Variants in WWOX observed in about 807,000 individuals in gnomAD.
WWOX encodes WW domain containing oxidoreductase, also known as WW domain-containing oxidoreductase.
Under a neutral mutation model 46.2 loss-of-function variants are expected in WWOX, and 69 were observed. The ratio of observed to expected loss-of-function variants is 1.49; its 90% CI spans 1.23 to 1.82. The LOEUF (loss-of-function observed/expected upper bound fraction) is 1.82. Among genes scored for constraint, WWOX ranks in the 40% most tolerant of loss-of-function variants. WWOX has a pLI of 0.00. For missense variants in WWOX, 919 were observed against 542.6 expected (o/e 1.69, Z -6.89); for synonymous variants, 359 against 202.6 (o/e 1.77, Z -6.56).
chr16:79,008,464 C>G (rs927559982), intron 8 of WWOX, among the ~76,000 whole-genome samples: 1 of 152,168 alleles, frequency 6.6e-6, no homozygotes, highest in Admixed American at 6.5e-5. Flanking sequence ...GGCAAATTAT[C>G]CCATCATATT....
chr16:78,876,353 G>A (rs1230995528), intron 8 of WWOX, among the ~76,000 whole-genome samples: 2 of 151,634 alleles, frequency 1.3e-5, no homozygotes, highest in African/African-American at 4.8e-5. Context: ...GTTTTGTCTG[G>A]AATTTTCTCT....
chr16:78,823,695 G>T (rs1441831838), intron 8 of WWOX, among the ~76,000 whole-genome samples: 2 of 152,098 alleles, frequency 1.3e-5, no homozygotes, highest in Non-Finnish European at 2.9e-5. Context: ...AAGGCCCGCC[G>T]AGCCTGAGCT....
intron 6 of WWOX, among the ~76,000 whole-genome samples, chr16:78,390,322 A>C (rs943747665): frequency 6.6e-6 from 1 of 152,212 alleles, no homozygotes; most frequent in South Asian, 2.1e-4. Flanking sequence ...GTTTTTAACC[A>C]TTAAGTAGTT....
At chr16:78,733,378 C>A (rs567583956) in intron 8 of WWOX, among the ~76,000 whole-genome samples, 2 of 151,964 alleles carry the variant, frequency 1.3e-5, no homozygotes, top group African/African-American at 4.8e-5. Context: ...TTGCTGGAGC[C>A]CAGGAGGTTG....
At chr16:78,198,110 C>T (rs895025600) in intron 5 of WWOX, among the ~76,000 whole-genome samples, 1 of 152,142 alleles carries the variant, frequency 6.6e-6, no homozygotes, top group Admixed American at 6.5e-5. Context: ...TCTCTGCAGG[C>T]ATCTACGCTC....
chr16:79,174,940 C>T (rs148716238), intron 8 of WWOX, among the ~76,000 whole-genome samples: 1 of 152,016 alleles, frequency 6.6e-6, no homozygotes, highest in Non-Finnish European at 1.5e-5. Flanking sequence ...TAGCAGTAAC[C>T]CTGAGGACTT....
chr16:78,865,083 G>C (rs1254433732), intron 8 of WWOX, among the ~76,000 whole-genome samples: 1 of 151,936 alleles, frequency 6.6e-6, no homozygotes, highest in Admixed American at 6.6e-5. Flanking sequence ...ATTTTTTAAA[G>C]TTAGTGCTTT....
intron 8 of WWOX, among the ~76,000 whole-genome samples, chr16:78,469,513 C>A (rs985265942): frequency 3.3e-5 from 5 of 152,118 alleles, no homozygotes; most frequent in African/African-American, 1.2e-4. Flanking sequence ...ATTACCCATT[C>A]AGTTTAAACT....
At chr16:78,578,284 A>ATAT (rs1555567122) in intron 8 of WWOX, among the ~76,000 whole-genome samples, 3 of 20,838 alleles carry the variant, frequency 1.4e-4, no homozygotes, top group African/African-American at 4.5e-4. Flanking sequence ...ATATATATAT[A>ATAT]TTTTTTTTTT....
chr16:79,155,753 G>A (rs992552047), intron 8 of WWOX, among the ~76,000 whole-genome samples: 1 of 152,070 alleles, frequency 6.6e-6, no homozygotes, highest in Non-Finnish European at 1.5e-5. Context: ...TCCATGGATC[G>A]CATTTTGAAT....
chr16:78,831,031 A>T (rs2151157575), intron 8 of WWOX, among the ~76,000 whole-genome samples: 1 of 152,270 alleles, frequency 6.6e-6, no homozygotes, highest in South Asian at 2.1e-4. Flanking sequence ...GTGGAAGGGG[A>T]GGGCAGAATG....
At chr16:78,784,978 G>T (rs1393838776) in intron 8 of WWOX, among the ~76,000 whole-genome samples, 1 of 152,170 alleles carries the variant, frequency 6.6e-6, no homozygotes, top group Non-Finnish European at 1.5e-5. Context: ...CCGTGGGCAG[G>T]AGCAGCCAGA....
chr16:78,885,192 C>CCT (rs1491493806), intron 8 of WWOX, among the ~76,000 whole-genome samples: 3 of 127,720 alleles, frequency 2.3e-5, no homozygotes, highest in African/African-American at 9.0e-5. Flanking sequence ...TCACTCTCTA[C>CCT]TTTTTTTTTT....
intron 8 of WWOX, among the ~76,000 whole-genome samples, chr16:78,785,752 A>C (rs935324096): frequency 6.6e-6 from 1 of 152,242 alleles, no homozygotes; most frequent in Admixed American, 6.5e-5. Context: ...GCAAAAACAA[A>C]ATAAGACATA....
intron 5 of WWOX, among the ~76,000 whole-genome samples, chr16:78,348,123 G>T (rs2081123862): frequency 8.2e-6 from 1 of 122,390 alleles, no homozygotes; most frequent in Admixed American, 7.9e-5. Flanking sequence ...TCCCTGCAAT[G>T]GGAACAGAGC....
intron 8 of WWOX, among the ~76,000 whole-genome samples, chr16:78,776,553 C>G (rs2050194856): frequency 6.6e-6 from 1 of 152,056 alleles, no homozygotes; most frequent in Admixed American, 6.6e-5. Context: ...GCAGTGTGTG[C>G]CATACTTACC....
At chr16:78,912,081 T>C (rs956061762) in intron 8 of WWOX, among the ~76,000 whole-genome samples, 5 of 151,786 alleles carry the variant, frequency 3.3e-5, no homozygotes, top group African/African-American at 4.8e-5. Flanking sequence ...TCATGAGTCT[T>C]GTTTCTTTGG....
intron 8 of WWOX, among the ~76,000 whole-genome samples, chr16:78,737,118 G>T (rs1008968206): frequency 5.9e-5 from 9 of 151,560 alleles, no homozygotes; most frequent in Non-Finnish European, 1.3e-4. Flanking sequence ...TCATTTATTT[G>T]AGATGGAGTC....
At chr16:79,078,597 C>T (rs1256631215) in intron 8 of WWOX, among the ~76,000 whole-genome samples, 2 of 152,158 alleles carry the variant, frequency 1.3e-5, no homozygotes, top group Admixed American at 6.5e-5. Context: ...AATCTGAGTT[C>T]CTGGGAGCAT....
Sources: allele counts gnomAD v4.1 joint callset (sites outside exome capture counted in the v4.1 genomes callset), GRCh38; gene constraint gnomAD v4.1.1; transcripts MANE v1.5; gene names NCBI Gene and HGNC (gene_info 2026-07-23, HGNC 2026-07-21).